Variants in TBCCD1 observed in about 807,000 individuals in gnomAD.
The protein encoded by TBCCD1 is TBCC domain-containing protein 1.
TBCCD1 carries 26 observed loss-of-function variants against 53.4 expected under a neutral mutation model. That is an observed-to-expected ratio of 0.49 (90% CI 0.36 to 0.68). The LOEUF (loss-of-function observed/expected upper bound fraction) is 0.68. Among genes scored for constraint, TBCCD1 ranks in the 30% least tolerant of loss-of-function variants. TBCCD1 has a pLI of 0.00. For missense variants in TBCCD1, 558 were observed against 669.5 expected, an observed-to-expected ratio of 0.83 and a Z score of 1.84; for synonymous variants, 245 against 241.7, an observed-to-expected ratio of 1.01 and a Z score of -0.13.
intron 2 of TBCCD1, among the ~76,000 whole-genome samples, chr3:186,560,712 C>T (rs1413697298): frequency 1.3e-5 from 2 of 152,208 alleles, no homozygotes; most frequent in African/African-American, 4.8e-5. Context: ...AGGTGGTTTA[C>T]CTTCCCATCT....
Position 186,556,792 on chromosome 3 carries a change from A to C in TBCCD1, c.493-17T>G. 1 of 1,601,568 alleles carries C rather than the reference A, an allele frequency of 6.2e-7. No homozygotes were observed. The highest frequency in any genetic ancestry group is 1.4e-5 in the African/African-American group (1 of 73,976). On this transcript the variant is annotated splice_polypyrimidine_tract_variant and intron_variant, in intron 3 of 7. Transcript: ENST00000338733. ...ATTCCAGTTCTAAAAAAAAGTTAAAAGAAAGCACTCTTAATAAAGAGATTC... is the reference window on the plus strand; with the variant it reads ...ATTCCAGTTCTAAAAAAAAGTTAAACGAAAGCACTCTTAATAAAGAGATTC...
intron 1 of TBCCD1, among the ~76,000 whole-genome samples, 152 bp from the exon 2 acceptor site, chr3:186,564,524 GT>G (rs1251502140): frequency 1.3e-5 from 2 of 152,102 alleles, no homozygotes; most frequent in African/African-American, 4.8e-5. Context: ...GAGCAGAACA[GT>G]TTTTTTAATC....
Position 186,554,413 on chromosome 3 carries a change from G to A in TBCCD1, c.1385C>T (p.Pro462Leu), listed in dbSNP as rs1714465675. 1.9e-5 allele frequency: 31 copies of A among 1,614,192 alleles called. No individual in the cohort carries two copies. Among genetic ancestry groups the A allele is most frequent in the Non-Finnish European group, 2.5e-5 (29 of 1,180,038 alleles). The change falls in exon 6 of 8, where the codon CCA (proline) becomes CTA (leucine). Residue 462 changes from proline (P) to leucine (L), a missense_variant. Coordinates refer to ENST00000338733, the MANE Select transcript of TBCCD1 (RefSeq NM_018138.5). ...NSDTRVFQLL[P>L]PCEFYVFIIP... ...AATAAATACATAGAATTCACAAGGTGGTAAAAGCTGGAAGACTCTTGTGTC... is the reference window on the plus strand; with the variant it reads ...AATAAATACATAGAATTCACAAGGTAGTAAAAGCTGGAAGACTCTTGTGTC...
intron 7 of TBCCD1, among the ~76,000 whole-genome samples, chr3:186,550,243 A>AC: frequency 6.6e-6 from 1 of 151,802 alleles, no homozygotes; most frequent in Non-Finnish European, 1.5e-5. Flanking sequence ...AAAAAAAAAA[A>AC]AAAACTTTAA....
At chr3:186,562,578 T>C (rs1162955415) in intron 2 of TBCCD1, among the ~76,000 whole-genome samples, 11 of 152,130 alleles carry the variant, frequency 7.2e-5, no homozygotes, top group Admixed American at 7.2e-4. Context: ...GTTTCCGTTA[T>C]GCAAGAAAAT....
chr3:186,556,317 T>C lies in TBCCD1; in HGVS notation c.859+92A>G. On this transcript the variant is annotated intron_variant, in intron 4 of 7. Coordinates refer to ENST00000338733, the MANE Select transcript of TBCCD1 (RefSeq NM_018138.5). ...TAGGAGCAGTATTTTTTAGGTCTTCTAGAGAAGACACGAGATCACTAATAT... is the reference window on the plus strand; with the variant it reads ...TAGGAGCAGTATTTTTTAGGTCTTCCAGAGAAGACACGAGATCACTAATAT... 3 of 1,454,712 alleles carry C rather than the reference T, an allele frequency of 2.1e-6. No individual in the cohort carries two copies. The South Asian group carries it at 4.2e-5, about 20-fold the overall frequency. 90.1% of individuals were successfully genotyped at this position (1,454,712 alleles called of 1,614,324 possible). A position where few individuals can be genotyped will look rare whatever the true frequency, so the allele number is the denominator to read the frequency against.
chr3:186,550,242 A>AAC (rs1165184484), intron 7 of TBCCD1, among the ~76,000 whole-genome samples: 1 of 151,746 alleles, frequency 6.6e-6, no homozygotes, highest in African/African-American at 2.4e-5. Context: ...AAAAAAAAAA[A>AAC]AAAAACTTTA....
chr3:186,564,468 T>C, intron 1 of TBCCD1, 96 bp from the exon 2 acceptor site: 1 of 743,356 alleles, frequency 1.3e-6, no homozygotes, highest in Non-Finnish European at 2.1e-6. Flanking sequence ...CTGTGTCATA[T>C]GTACTACATC....
intron 1 of TBCCD1, among the ~76,000 whole-genome samples, chr3:186,566,033 GCTT>G (rs1301981763): frequency 2.6e-5 from 4 of 151,086 alleles, no homozygotes; most frequent in Non-Finnish European, 5.9e-5. Context: ...AGAAAACTGT[GCTT>G]CTCTCTTTTT....
At chr3:186,549,583 A>G (rs1439538021) in intron 7 of TBCCD1, among the ~76,000 whole-genome samples, 1 of 152,248 alleles carries the variant, frequency 6.6e-6, no homozygotes, top group East Asian at 1.9e-4. Flanking sequence ...GCTTGAGCGC[A>G]GGAGTTGGAG....
chr3:186,569,092 C>T (rs895517095), upstream of TBCCD1, among the ~76,000 whole-genome samples: 1 of 151,814 alleles, frequency 6.6e-6, no homozygotes, highest in East Asian at 1.9e-4. Context: ...CAGGCAAAGG[C>T]AATAGCTAGC....
chr3:186,562,345 T>C lies in TBCCD1; in HGVS notation c.336+1649A>G, dbSNP rs111837859. 5.8e-3 allele frequency among the ~76,000 whole-genome samples: 881 copies of C among 152,308 alleles called. 11 individuals carry two copies. Among genetic ancestry groups the C allele is most frequent in the African/African-American group, 0.02 (851 of 41,564 alleles). ...GGGCAACAGAGTGAGATCCTGTCTC[T>C]TAAAAACAGAAAGAGAGAGAAATCC... On this transcript the variant is annotated intron_variant, in intron 2 of 7. Coordinates refer to ENST00000338733, the MANE Select transcript of TBCCD1 (RefSeq NM_018138.5).
intron 1 of TBCCD1, among the ~76,000 whole-genome samples, chr3:186,565,991 A>G (rs1193272139): frequency 2.0e-5 from 3 of 151,874 alleles, no homozygotes; most frequent in Non-Finnish European, 4.4e-5. Flanking sequence ...TGAAAATTTT[A>G]TTGCTATTAT....
At chr3:186,550,072 C>T (rs1714324702) in intron 7 of TBCCD1, among the ~76,000 whole-genome samples, 1 of 151,736 alleles carries the variant, frequency 6.6e-6, no homozygotes, top group Admixed American at 6.6e-5. Flanking sequence ...ACTAAACATA[C>T]AAAAATTAGC....
intron 1 of TBCCD1, among the ~76,000 whole-genome samples, 152 bp from the exon 2 acceptor site, chr3:186,564,524 G>A (rs1013452737): frequency 6.6e-6 from 1 of 152,102 alleles, no homozygotes; most frequent in Admixed American, 6.6e-5. Flanking sequence ...GAGCAGAACA[G>A]TTTTTTTAAT....
Position 186,558,398 on chromosome 3 carries a change from A to G in TBCCD1, c.492+19T>C, listed in dbSNP as rs375968658. The G allele has an allele frequency of 9.4e-5, 151 of 1,606,866 alleles. No homozygotes were observed. In the Middle Eastern group the frequency reaches 2.1e-3, roughly 22 times the overall value. ...CAAATTGTCCCTTTTAGAGAATGAGATCAAGATATAAGGAGTACCTTATTA... is the reference window on the plus strand; with the variant it reads ...CAAATTGTCCCTTTTAGAGAATGAGGTCAAGATATAAGGAGTACCTTATTA... On this transcript the variant is annotated intron_variant, in intron 3 of 7. Coordinates refer to ENST00000338733, the MANE Select transcript of TBCCD1 (RefSeq NM_018138.5).
chr3:186,560,593 G>C (rs767500725), intron 2 of TBCCD1, among the ~76,000 whole-genome samples: 3 of 152,118 alleles, frequency 2.0e-5, no homozygotes, highest in Non-Finnish European at 4.4e-5. Context: ...GGCCCCAGTG[G>C]GCATGGCTGT....
At chr3:186,558,025 TAAAC>T (rs1714589657) in intron 3 of TBCCD1, among the ~76,000 whole-genome samples, 1 of 152,242 alleles carries the variant, frequency 6.6e-6, no homozygotes, top group South Asian at 2.1e-4. Flanking sequence ...TGTAATTACT[TAAAC>T]AACATGAGAA....
Position 186,563,988 on chromosome 3 carries a change from C to A in TBCCD1, c.336+6G>T. The A allele has an allele frequency of 6.3e-7, 1 of 1,599,152 alleles. No individual in the cohort carries two copies. The highest frequency in any genetic ancestry group is 8.5e-7 in the Non-Finnish European group (1 of 1,172,920). ...TAATTAAGTATACACACATATCAAT[C>A]CGTACCTGATTTCTCTGCTTTTCAA... On this transcript the variant is annotated splice_donor_region_variant and intron_variant, in intron 2 of 7. Coordinates refer to ENST00000338733, the MANE Select transcript of TBCCD1 (RefSeq NM_018138.5).
Sources: gnomAD v4.1 joint callset for allele counts (sites outside exome capture counted in the v4.1 genomes callset) on GRCh38, gnomAD v4.1.1 for gene constraint, MANE v1.5 for transcripts, NCBI Gene and HGNC (gene_info 2026-07-23, HGNC 2026-07-21) for gene names.